DPP10: variants seen among roughly 807,000 people sequenced by gnomAD.
The protein encoded by DPP10 is dipeptidyl peptidase like 10, also known as inactive dipeptidyl peptidase 10.
Under a neutral mutation model 120.9 loss-of-function variants are expected in DPP10, and 33 were observed. The ratio of observed to expected loss-of-function variants is 0.27; its 90% CI spans 0.21 to 0.37. The LOEUF is 0.37. Ranked by LOEUF, DPP10 falls within the 10% of genes least tolerant of loss-of-function variation. DPP10 has a pLI of 1.00. For synonymous variants in DPP10, 337 were observed against 326.1 expected (o/e 1.03, Z -0.36); for missense variants, 816 against 942.8 (o/e 0.87, Z 1.76).
At chr2:114,931,686 G>A (rs1038593763) in intron 1 of DPP10, among the ~76,000 whole-genome samples, 7 of 152,160 alleles carry the variant, frequency 4.6e-5, no homozygotes, top group African/African-American at 1.7e-4. Context: ...GGGGACTTAG[G>A]AGTATAGACC....
chr2:115,069,122 T>C (rs1023189439), intron 1 of DPP10, among the ~76,000 whole-genome samples: 17 of 152,120 alleles, frequency 1.1e-4, no homozygotes, highest in Non-Finnish European at 5.9e-5. Flanking sequence ...GGGGCTTGCA[T>C]TGATTCTGTA....
intron 1 of DPP10, among the ~76,000 whole-genome samples, chr2:114,964,967 G>A (rs1390556756): frequency 1.3e-5 from 2 of 152,162 alleles, no homozygotes. Flanking sequence ...ATAAGAATAA[G>A]GTAGACTCAA....
chr2:115,823,637 T>C (rs2150069400), intron 21 of DPP10, among the ~76,000 whole-genome samples: 1 of 152,328 alleles, frequency 6.6e-6, no homozygotes, highest in East Asian at 1.9e-4. Flanking sequence ...TTATTTTTAG[T>C]GTTTGGGGTT....
chr2:115,407,024 A>C (rs552681907), intron 3 of DPP10, among the ~76,000 whole-genome samples: 1 of 152,332 alleles, frequency 6.6e-6, no homozygotes. Context: ...ATGAAAATAA[A>C]AAAAACCCTG....
At chr2:115,786,609 A>C (rs550694523) in intron 17 of DPP10, among the ~76,000 whole-genome samples, 1 of 152,286 alleles carries the variant, frequency 6.6e-6, no homozygotes, top group African/African-American at 2.4e-5. Context: ...CCCTGAAAGA[A>C]GGAAACAAGT....
chr2:115,339,798 A>G (rs1255835764), intron 2 of DPP10, among the ~76,000 whole-genome samples: 1 of 152,166 alleles, frequency 6.6e-6, no homozygotes, highest in Non-Finnish European at 1.5e-5. Flanking sequence ...TTGGTTGCCA[A>G]GGGATTGGGT....
At chr2:115,304,164 A>G (rs1282749104) in intron 1 of DPP10, among the ~76,000 whole-genome samples, 1 of 152,042 alleles carries the variant, frequency 6.6e-6, no homozygotes, top group Non-Finnish European at 1.5e-5. Flanking sequence ...CTTTTGAGCT[A>G]TTTAACAGAA....
chr2:114,640,895 A>T (rs1695657404), intron 1 of DPP10, among the ~76,000 whole-genome samples: 1 of 151,860 alleles, frequency 6.6e-6, no homozygotes, highest in Middle Eastern at 3.4e-3. Flanking sequence ...TCCCAGTAAC[A>T]CTCTAGCAGG....
At chr2:115,482,313 G>A (rs1174456371) in intron 3 of DPP10, among the ~76,000 whole-genome samples, 1 of 98,886 alleles carries the variant, frequency 1.0e-5, no homozygotes, top group Non-Finnish European at 2.7e-5. Flanking sequence ...TGCATACATA[G>A]TAAAATAGTT....
At chr2:115,304,050 A>G (rs2105992087) in intron 1 of DPP10, among the ~76,000 whole-genome samples, 1 of 152,202 alleles carries the variant, frequency 6.6e-6, no homozygotes, top group Non-Finnish European at 1.5e-5. Flanking sequence ...ATTATTCAGC[A>G]TAAATGTCTT....
chr2:115,728,005 AT>A (rs1429429659), intron 8 of DPP10, 69 bp downstream of exon 8: 18 of 1,520,120 alleles, frequency 1.2e-5, no homozygotes, highest in African/African-American at 1.4e-5. Context: ...ACCAAAAAAA[AT>A]CTATTCATTC....
intron 1 of DPP10, among the ~76,000 whole-genome samples, chr2:114,963,006 A>T (rs1698758314): frequency 6.6e-6 from 1 of 152,242 alleles, no homozygotes; most frequent in Non-Finnish European, 1.5e-5. Context: ...AATTTGTACA[A>T]CAGAAAGAAT....
chr2:115,469,775 G>T (rs1392750900), intron 3 of DPP10, among the ~76,000 whole-genome samples: 2 of 149,114 alleles, frequency 1.3e-5, no homozygotes, highest in African/African-American at 4.9e-5. Context: ...GCACTTTCCT[G>T]TAATCCCAGC....
intron 3 of DPP10, among the ~76,000 whole-genome samples, chr2:115,433,573 T>G (rs2104796889): frequency 6.6e-6 from 1 of 152,056 alleles, no homozygotes; most frequent in East Asian, 1.9e-4. Flanking sequence ...GTGACACAGT[T>G]TTTTTTTCTA....
At chr2:115,795,380 C>A (rs921038716) in intron 19 of DPP10, among the ~76,000 whole-genome samples, 1 of 152,096 alleles carries the variant, frequency 6.6e-6, no homozygotes, top group Non-Finnish European at 1.5e-5. Flanking sequence ...ATATTAACTT[C>A]CAGAATGCAA....
At chr2:115,169,127 A>T (rs1323551794) in intron 1 of DPP10, among the ~76,000 whole-genome samples, 1 of 152,200 alleles carries the variant, frequency 6.6e-6, no homozygotes, top group Non-Finnish European at 1.5e-5. Flanking sequence ...GAACAAGGTC[A>T]AACAGATTTC....
intron 1 of DPP10, among the ~76,000 whole-genome samples, chr2:114,813,875 TG>T (rs1243666567): frequency 6.6e-6 from 1 of 151,304 alleles, no homozygotes; most frequent in African/African-American, 2.4e-5. Context: ...TAACAATAGC[TG>T]GGAGGAGGAA....
intron 5 of DPP10, among the ~76,000 whole-genome samples, chr2:115,603,122 CTGTGTGTGTGTGTGTGTGTGTGTG>C (rs61161169): frequency 4.2e-5 from 6 of 144,006 alleles, no homozygotes; most frequent in African/African-American, 1.3e-4. Flanking sequence ...ATAAATAAAA[CTGTGTGTGTGTGTGTGTGTGTGTG>C]TGTGTGTGTG....
intron 5 of DPP10, among the ~76,000 whole-genome samples, chr2:115,656,980 A>ACTTAG (rs2088417829): frequency 6.6e-6 from 1 of 151,634 alleles, no homozygotes; most frequent in Non-Finnish European, 1.5e-5. Context: ...TAAGTTCTGA[A>ACTTAG]TATCTGATGT....
Sources: allele counts gnomAD v4.1 joint callset (sites outside exome capture counted in the v4.1 genomes callset), GRCh38; gene constraint gnomAD v4.1.1; transcripts MANE v1.5; gene names NCBI Gene and HGNC (gene_info 2026-07-23, HGNC 2026-07-21).